The following GBF1 variants were observed in gnomAD, a reference collection of about 807,000 sequenced individuals.
GBF1 encodes golgi brefeldin A resistant guanine nucleotide exchange factor 1, also known as Golgi-specific brefeldin A-resistance guanine nucleotide exchange factor 1.
GBF1 carries 114 observed loss-of-function variants against 210.5 expected under a neutral mutation model. The observed-to-expected ratio is 0.54, with a 90% CI of 0.47 to 0.63. The LOEUF (loss-of-function observed/expected upper bound fraction) is 0.63, where lower values mean the gene tolerates loss of function less well. Among genes scored for constraint, GBF1 ranks in the 30% least tolerant of loss-of-function variants. The pLI is 0.00. For missense variants in GBF1, 1,851 were observed against 2,357.7 expected (o/e 0.79, Z 4.45); for synonymous variants, 850 against 889.2 (o/e 0.96, Z 0.78).
At chr10:102,349,770 A>G (rs956094666) in intron 4 of GBF1, among the ~76,000 whole-genome samples, 3 of 152,168 alleles carry the variant, frequency 2.0e-5, no homozygotes, top group Non-Finnish European at 4.4e-5. Context: ...AAGACCCTTG[A>G]TGGTGACAAC....
intron 3 of GBF1, among the ~76,000 whole-genome samples, chr10:102,314,248 T>C (rs895657552): frequency 6.7e-6 from 1 of 150,356 alleles, no homozygotes; most frequent in Non-Finnish European, 1.5e-5. Context: ...TGGGCTCAAG[T>C]GATCCTCCTG....
At chr10:102,345,669 AAAAG>A (rs1028587914) in intron 4 of GBF1, among the ~76,000 whole-genome samples, 2 of 151,182 alleles carry the variant, frequency 1.3e-5, no homozygotes, top group Non-Finnish European at 2.9e-5. Context: ...AAAAAAAAAA[AAAAG>A]CAGATAGTAT....
In GBF1 at chr10:102,379,850, C is replaced by T. The variant is rs764663956; in HGVS notation, c.4777-3C>T. 6.2e-7 allele frequency: 1 copy of T among 1,606,730 alleles called. No homozygotes were observed. Among genetic ancestry groups the T allele is most frequent in the Non-Finnish European group, 8.5e-7 (1 of 1,173,516 alleles). On this transcript the variant is annotated splice_polypyrimidine_tract_variant and splice_region_variant and intron_variant, in intron 35 of 39. Transcript: ENST00000369983. ...GGAGACATTGCACATTTACCCCCAC[C>T]AGGTGCTGTTTCCTCTACTTACCAA...
intron 3 of GBF1, among the ~76,000 whole-genome samples, chr10:102,317,657 C>T (rs561551252): frequency 3.9e-5 from 6 of 152,154 alleles, no homozygotes; most frequent in African/African-American, 1.4e-4. Flanking sequence ...GAAACAAGAA[C>T]CTCCATAGTC....
chr10:102,253,859 G>A (rs2071958253), intron 1 of GBF1, among the ~76,000 whole-genome samples: 2 of 152,102 alleles, frequency 1.3e-5, no homozygotes, highest in Admixed American at 6.5e-5. Context: ...ATGTAAAGTG[G>A]TATATCATTA....
At chr10:102,272,260 G>A (rs1484238491) in intron 3 of GBF1, among the ~76,000 whole-genome samples, 3 of 151,864 alleles carry the variant, frequency 2.0e-5, no homozygotes, top group Non-Finnish European at 4.4e-5. Flanking sequence ...ACCCACCACC[G>A]CACATGGCTA....
At chr10:102,371,428 G>A (rs896774175) in intron 29 of GBF1, among the ~76,000 whole-genome samples, 2 of 152,156 alleles carry the variant, frequency 1.3e-5, no homozygotes, top group Admixed American at 6.5e-5. Flanking sequence ...TGAAGAAGAT[G>A]TAAATAAATG....
chr10:102,256,312 T>TG (rs1565018637), intron 1 of GBF1, among the ~76,000 whole-genome samples: 3 of 152,152 alleles, frequency 2.0e-5, no homozygotes, highest in Admixed American at 6.5e-5. Context: ...TTCACTTTCT[T>TG]GGGGGGCCTC....
chr10:102,276,986 A>ACACG (rs1565047904), intron 3 of GBF1, among the ~76,000 whole-genome samples: 1 of 152,062 alleles, frequency 6.6e-6, no homozygotes, highest in Non-Finnish European at 1.5e-5. Flanking sequence ...ACACACACAC[A>ACACG]CACACATGCA....
intron 3 of GBF1, among the ~76,000 whole-genome samples, chr10:102,298,037 T>C (rs2479546): frequency 0.99 from 150,535 of 151,930 alleles, 74,594 homozygotes; most frequent in South Asian, 1. Flanking sequence ...TGGTTTCAAG[T>C]GATTCTCCTG....
chr10:102,294,778 A>G (rs1433360661), intron 3 of GBF1, among the ~76,000 whole-genome samples: 1 of 152,206 alleles, frequency 6.6e-6, no homozygotes, highest in African/African-American at 2.4e-5. Flanking sequence ...ATAGTATTCA[A>G]TACAGTAACA....
intron 3 of GBF1, among the ~76,000 whole-genome samples, chr10:102,312,504 T>C: frequency 6.6e-6 from 1 of 152,184 alleles, no homozygotes; most frequent in East Asian, 1.9e-4. Context: ...TACTAAAGTT[T>C]AGTTTTCAAT....
intron 14 of GBF1, 54 bp downstream of exon 14, chr10:102,361,966 C>G: frequency 9.3e-7 from 1 of 1,077,092 alleles, no homozygotes. Context: ...AAGGAAATCT[C>G]CCTGGTGGTA....
rs1364555462 is a variant in GBF1 at position 102,364,401 on chromosome 10, T to A, written c.2106+603T>A. Among the ~76,000 whole-genome samples, 12 of 150,604 alleles carry A rather than the reference T, an allele frequency of 8.0e-5. No homozygotes were observed. The East Asian group carries it at 2.2e-3, about 28-fold the overall frequency. On this transcript the variant is annotated intron_variant, in intron 17 of 39. Transcript: ENST00000369983. ...CACCATGCCTGGCTAATTTTTTGTA[T>A]TTTTAGTAGAGACGGGGTTTCACCG...
At chr10:102,381,015 G>A in intron 38 of GBF1, 112 bp from the exon 39 acceptor site, 1 of 1,069,936 alleles carries the variant, frequency 9.3e-7, no homozygotes, top group South Asian at 1.5e-5. Flanking sequence ...AGTCCCCAAA[G>A]CTGAATTTAT....
chr10:102,312,535 G>T (rs2078557914), intron 3 of GBF1, among the ~76,000 whole-genome samples: 1 of 152,118 alleles, frequency 6.6e-6, no homozygotes, highest in South Asian at 2.1e-4. Flanking sequence ...TTGTTGGTAG[G>T]GCGTAACTAT....
intron 3 of GBF1, among the ~76,000 whole-genome samples, chr10:102,322,893 G>T (rs1182529976): frequency 6.6e-6 from 1 of 151,948 alleles, no homozygotes; most frequent in East Asian, 1.9e-4. Flanking sequence ...GTCCAGCCTG[G>T]GTGACAGAGC....
chr10:102,259,916 A>G (rs2072969483), intron 2 of GBF1, 134 bp from the exon 3 acceptor site: 1 of 598,380 alleles, frequency 1.7e-6, no homozygotes, highest in South Asian at 2.0e-5. Flanking sequence ...ACTATGGCTA[A>G]TTTTCTTTTC....
Position 102,363,738 on chromosome 10 carries a change from C to G in GBF1, c.2046C>G (p.Pro682=), listed in dbSNP as rs1241379298. ...GADKKFARKP[P]RFSCLLPDPR... ...ACAAAAAGTTTGCCCGGAAGCCACCCCGATTTTCCTGTCTCCTGCCAGATC... is the reference window on the plus strand; with the variant it reads ...ACAAAAAGTTTGCCCGGAAGCCACCGCGATTTTCCTGTCTCCTGCCAGATC... The change falls in exon 17 of 40, where the codon CCC becomes CCG. Residue 682 remains proline, a synonymous_variant. Coordinates refer to ENST00000369983, the MANE Select transcript of GBF1 (RefSeq NM_001377137.1). The surrounding 1 kb of genome is among the most constrained non-coding windows in gnomAD (Gnocchi z 4.2). 1 of 1,613,536 alleles carries G rather than the reference C, an allele frequency of 6.2e-7. No individual in the cohort carries two copies. Among genetic ancestry groups the G allele is most frequent in the Admixed American group, 1.7e-5 (1 of 60,016 alleles).
Sources: gnomAD v4.1 joint callset for allele counts (sites outside exome capture counted in the v4.1 genomes callset) on GRCh38, gnomAD v4.1.1 for gene constraint, Gnocchi (gnomAD v3.1) non-coding constraint, MANE v1.5 for transcripts, NCBI Gene and HGNC (gene_info 2026-07-23, HGNC 2026-07-21) for gene names.